The following RCOR3 variants were observed in gnomAD, a reference collection of about 807,000 sequenced individuals.
The protein encoded by RCOR3 is REST corepressor 3.
RCOR3 carries 13 observed loss-of-function variants against 64.1 expected under a neutral mutation model. The observed-to-expected ratio is 0.20, with a 90% CI of 0.13 to 0.32. RCOR3 has a LOEUF of 0.32. RCOR3 is among the 10% of genes least tolerant of loss of function. The pLI, the probability that RCOR3 is intolerant of heterozygous loss-of-function variation, is 1.00. For synonymous variants in RCOR3, 215 were observed against 239.0 expected (o/e 0.90, Z 0.93); for missense variants, 489 against 701.2 (o/e 0.70, Z 3.42).
intron 9 of RCOR3, among the ~76,000 whole-genome samples, chr1:211,299,630 A>G (rs1326502999): frequency 6.7e-6 from 1 of 149,498 alleles, no homozygotes; most frequent in Non-Finnish European, 1.5e-5. Context: ...ATGTGAAAAC[A>G]ATTTAGCGGG....
Position 211,313,531 on chromosome 1 carries a change from T to C in RCOR3, c.1425T>C (p.Leu475=), listed in dbSNP as rs1327354996. 5.6e-6 allele frequency: 9 copies of C among 1,613,934 alleles called. No homozygotes were observed. Among genetic ancestry groups the C allele is most frequent in the Non-Finnish European group, 7.6e-6 (9 of 1,180,000 alleles). Residue 475 remains leucine, a synonymous_variant, in exon 12 of 12, where the codon CTT becomes CTC. Transcript: ENST00000419091. The surrounding 1 kb of genome is among the most constrained non-coding windows in gnomAD (Gnocchi z 4.7). ...CCACTCTGAACCAGCCTCCACCACT[T>C]CTTCGTCCAACACTGCCTGCTGCCC... ...PIATLNQPPP[L]LRPTLPAAPA... is the part of the protein sequence containing the mutation.
At chr1:211,263,512 C>G (rs1240843429) in intron 2 of RCOR3, among the ~76,000 whole-genome samples, 2 of 152,098 alleles carry the variant, frequency 1.3e-5, no homozygotes, top group African/African-American at 4.8e-5. Context: ...TCATTTTCTG[C>G]TTAATAGTCT....
intron 3 of RCOR3, chr1:211,271,724 G>A: frequency 3.2e-6 from 1 of 313,664 alleles, no homozygotes; most frequent in South Asian, 2.9e-5. Context: ...GACTTCAGCA[G>A]CCATCAGGTC....
intron 10 of RCOR3, among the ~76,000 whole-genome samples, chr1:211,304,702 C>A (rs1700695233): frequency 1.3e-5 from 2 of 152,156 alleles, no homozygotes. Flanking sequence ...TCACATTCAG[C>A]ATTTTCAATG....
chr1:211,259,461 T>G lies in RCOR3; in HGVS notation c.-100T>G, dbSNP rs1041643367. On this transcript the variant is annotated 5_prime_UTR_variant, in exon 1 of 12. Coordinates refer to ENST00000419091, the MANE Select transcript of RCOR3 (RefSeq NM_001136223.3). ...CTCCTCCGCCGCCGCCGCCGTCTCC[T>G]CCTCCTCCTCCTTTCCCTCCCGCCC... The G allele has an allele frequency of 2.5e-6, 3 of 1,218,566 alleles. No homozygotes were observed. Among genetic ancestry groups the G allele is most frequent in the Non-Finnish European group, 3.4e-6 (3 of 891,156 alleles). The allele number at this position is 1,218,566 out of a possible 1,614,324, so 75.5% of individuals were successfully genotyped here.
intron 2 of RCOR3, among the ~76,000 whole-genome samples, chr1:211,268,901 A>C (rs774577245): frequency 6.6e-6 from 1 of 152,142 alleles, no homozygotes; most frequent in African/African-American, 2.4e-5. Context: ...ATAGCAATGT[A>C]TGATTTTTTA....
intron 1 of RCOR3, 63 bp downstream of exon 1, chr1:211,259,789 C>CCCCCT (rs1269099710): frequency 3.8e-6 from 5 of 1,307,760 alleles, no homozygotes; most frequent in Non-Finnish European, 5.0e-6. Context: ...CCTCCCCCAG[C>CCCCCT]CCCCTCCCCT....
chr1:211,295,779 T>TA, intron 9 of RCOR3, 26 bp downstream of exon 9: 1 of 1,594,828 alleles, frequency 6.3e-7, no homozygotes, highest in Non-Finnish European at 8.6e-7. Context: ...ATACATGTGA[T>TA]TAAGTATAGT....
intron 9 of RCOR3, chr1:211,302,338 A>G (rs905891879): frequency 6.6e-6 from 1 of 152,248 alleles, no homozygotes; most frequent in Non-Finnish European, 1.5e-5. Flanking sequence ...AGTCACCTAC[A>G]GAATTGACAG....
Position 211,271,323 on chromosome 1 carries a change from A to G in RCOR3, c.301+14A>G, listed in dbSNP as rs538753177. Reference sequence around the variant, plus strand: ...CAGATGCCAAATGTAAGTTTTCTGAAGTTGAATGTTAATGTCAGCAGGAGT... The same window carrying G: ...CAGATGCCAAATGTAAGTTTTCTGAGGTTGAATGTTAATGTCAGCAGGAGT... On this transcript the variant is annotated intron_variant, in intron 3 of 11. Coordinates refer to ENST00000419091, the MANE Select transcript of RCOR3 (RefSeq NM_001136223.3). 1 of 1,606,134 alleles carries G rather than the reference A, an allele frequency of 6.2e-7. No individual in the cohort carries two copies. Among genetic ancestry groups the G allele is most frequent in the African/African-American group, 1.3e-5 (1 of 74,906 alleles).
At chr1:211,289,098 C>A in intron 7 of RCOR3, 80 bp from the exon 8 acceptor site, 1 of 1,068,452 alleles carries the variant, frequency 9.4e-7, no homozygotes, top group Non-Finnish European at 1.4e-6. Flanking sequence ...GCAGCAGATA[C>A]TTCTAATATT....
intron 9 of RCOR3, among the ~76,000 whole-genome samples, chr1:211,299,638 G>A (rs1040869797): frequency 3.3e-5 from 4 of 119,608 alleles, no homozygotes; most frequent in Non-Finnish European, 8.0e-5. Context: ...ACAATTTAGC[G>A]GGGAAAGGAT....
Position 211,313,645 on chromosome 1 carries a change from T to TA in RCOR3, c.1540dup (p.Ile514AsnfsTer5). The stretch of plus-strand genomic sequence containing the variant: ...CTTTAAATCAGCCTCCACCACCTCT[T>TA]ATTCGCCCTGCTAATTCCATGCCAC... On this transcript the variant is annotated frameshift_variant, in exon 12 of 12. Coordinates refer to ENST00000419091, the MANE Select transcript of RCOR3 (RefSeq NM_001136223.3). LOFTEE classifies it high-confidence loss of function. This position sits in a 1 kb window ranked among gnomAD's most constrained non-coding sequence, Gnocchi z 4.7. 1 of 1,614,198 alleles carries TA rather than the reference T, an allele frequency of 6.2e-7. No homozygotes were observed.
intron 9 of RCOR3, among the ~76,000 whole-genome samples, chr1:211,298,156 G>C (rs890836878): frequency 2.0e-5 from 3 of 152,194 alleles, no homozygotes; most frequent in African/African-American, 7.2e-5. Flanking sequence ...TTTTCCACCT[G>C]CTTTTTAAAA....
At chr1:211,297,942 A>G (rs570159265) in intron 9 of RCOR3, among the ~76,000 whole-genome samples, 5 of 152,360 alleles carry the variant, frequency 3.3e-5, no homozygotes, top group Admixed American at 3.3e-4. Flanking sequence ...AAGTAACTCT[A>G]CTAAAAGTAA....
At chr1:211,293,033 G>A (rs144344484) in intron 8 of RCOR3, among the ~76,000 whole-genome samples, 4,188 of 151,686 alleles carry the variant, frequency 0.028, 203 homozygotes, top group African/African-American at 0.095. Context: ...GCAGTGAGCC[G>A]AGATCGCGCC....
chr1:211,279,187 T>TAAAAA, intron 6 of RCOR3, 51 bp from the exon 7 acceptor site: 1 of 943,764 alleles, frequency 1.1e-6, no homozygotes, highest in Non-Finnish European at 1.6e-6. Context: ...AACGCTGTCT[T>TAAAAA]AAAAAAAAAA....
chr1:211,272,590 AGGGTGG>A (rs904920504), intron 3 of RCOR3, among the ~76,000 whole-genome samples: 126 of 137,276 alleles, frequency 9.2e-4, no homozygotes, highest in African/African-American at 3.3e-3. Context: ...AGAGGCTTCA[AGGGTGG>A]ATCCTGGATG....
chr1:211,259,797 C>A, intron 1 of RCOR3, 71 bp downstream of exon 1: 1 of 1,297,308 alleles, frequency 7.7e-7, no homozygotes, highest in Non-Finnish European at 1.0e-6. Flanking sequence ...AGCCCCCTCC[C>A]CTCGCCGCTC....
Sources: gnomAD v4.1 joint callset for allele counts (sites outside exome capture counted in the v4.1 genomes callset) on GRCh38, gnomAD v4.1.1 for gene constraint, Gnocchi (gnomAD v3.1) non-coding constraint, MANE v1.5 for transcripts, NCBI Gene and HGNC (gene_info 2026-07-23, HGNC 2026-07-21) for gene names.